ZBTB1: variants seen among roughly 807,000 people sequenced by gnomAD.
The protein encoded by ZBTB1 is zinc finger and BTB domain containing 1.
A neutral mutation model predicts 51.6 loss-of-function variants in ZBTB1; 13 were observed. That is an observed-to-expected ratio of 0.25 (90% CI 0.16 to 0.40). The LOEUF (loss-of-function observed/expected upper bound fraction) is 0.40. Ranked by LOEUF, ZBTB1 falls within the 10% of genes least tolerant of loss-of-function variation. The pLI is 1.00. For synonymous variants in ZBTB1, 240 were observed against 282.2 expected (o/e 0.85, Z 1.50); for missense variants, 567 against 856.5 (o/e 0.66, Z 4.22).
In ZBTB1 at chr14:64,523,976, CTA is replaced by C; in HGVS notation, c.*332_*333del. The C allele has an allele frequency of 1.0e-6, 1 of 1,002,686 alleles. No individual in the cohort carries two copies. The highest frequency in any genetic ancestry group is 1.2e-6 in the Non-Finnish European group (1 of 831,898). The allele number at this position is 1,002,686 out of a possible 1,614,324, so 62.1% of individuals were successfully genotyped here. A position where few individuals can be genotyped will look rare whatever the true frequency, so the allele number is the denominator to read the frequency against. ...CAATAAGGTGATGACTTCACTATTT[CTA>C]TGTGTTTTTTTTTTTTTAAGGTTAT... On this transcript the variant is annotated 3_prime_UTR_variant, in exon 2 of 2. Transcript: ENST00000683701. This position sits in a 1 kb window ranked among gnomAD's most constrained non-coding sequence, Gnocchi z 4.5.
chr14:64,529,706 G>A (rs369587168), downstream of ZBTB1, among the ~76,000 whole-genome samples: 2 of 152,188 alleles, frequency 1.3e-5, no homozygotes, highest in African/African-American at 4.8e-5. Context: ...GAGAGGTCAA[G>A]GCTGCAGTGA....
intron 1 of ZBTB1, among the ~76,000 whole-genome samples, chr14:64,519,073 G>T (rs1186480015): frequency 1.3e-5 from 2 of 149,106 alleles, no homozygotes; most frequent in East Asian, 3.9e-4. Context: ...TGTTTGGAGG[G>T]GTTACCTCTG....
chr14:64,519,567 C>G lies in ZBTB1; in HGVS notation c.-18-1920C>G, dbSNP rs555142779. Among the ~76,000 whole-genome samples, 3 of 149,500 alleles carry G rather than the reference C, an allele frequency of 2.0e-5. No individual in the cohort carries two copies. The South Asian group carries it at 6.4e-4, about 32-fold the overall frequency. The stretch of plus-strand genomic sequence containing the variant: ...TCGCTTGAACTCAGGAGTTCAAGAC[C>G]AGCCTGGACAACATAGCAAGACCTT... On this transcript the variant is annotated intron_variant, in intron 1 of 1. Transcript: ENST00000683701.
chr14:64,517,781 ATTTTTTT>A lies in ZBTB1; in HGVS notation c.-18-3690_-18-3684del, dbSNP rs10590459. On this transcript the variant is annotated intron_variant, in intron 1 of 1. Transcript: ENST00000683701. The stretch of plus-strand genomic sequence containing the variant: ...AATATATATATATATATATATATAT[ATTTTTTT>A]TTTTTTTTTTTTTTTGAGACAGTCT... 4.1e-4 allele frequency among the ~76,000 whole-genome samples: 17 copies of A among 41,566 alleles called. No homozygotes were observed. The East Asian group carries it at 7.1e-3, about 17-fold the overall frequency. 27.3% of individuals were successfully genotyped at this position (41,566 alleles called of 152,430 possible).
intron 2 of ZBTB1, among the ~76,000 whole-genome samples, chr14:64,531,669 G>A (rs1026062240): frequency 1.3e-5 from 2 of 151,976 alleles, no homozygotes; most frequent in Non-Finnish European, 2.9e-5. Flanking sequence ...TGAATGGTAC[G>A]AGTTACATTC....
At chr14:64,511,598 A>T (rs1020097774) in intron 1 of ZBTB1, among the ~76,000 whole-genome samples, 1 of 152,230 alleles carries the variant, frequency 6.6e-6, no homozygotes, top group Non-Finnish European at 1.5e-5. Context: ...CTCCCTCTTT[A>T]GGATGAATGG....
Position 64,504,919 on chromosome 14 carries a change from T to C in ZBTB1, c.-46T>C. The C allele has an allele frequency of 7.6e-6, 3 of 395,800 alleles. No individual in the cohort carries two copies. The highest frequency in any genetic ancestry group is 8.9e-6 in the Non-Finnish European group (2 of 223,878). The allele number at this position is 395,800 out of a possible 1,614,324, so 24.5% of individuals were successfully genotyped here. A position where few individuals can be genotyped will look rare whatever the true frequency, so the allele number is the denominator to read the frequency against. ...GATTTGCCTTAAACTCCCTAAAATC[T>C]CCGCAGCTCTGGTTCCTGTTGCGGC... is the stretch of plus-strand genomic sequence containing the variant. On this transcript the variant is annotated 5_prime_UTR_variant, in exon 1 of 2. Transcript: ENST00000683701.
chr14:64,523,180 A>G lies in ZBTB1; in HGVS notation c.1676A>G (p.Gln559Arg). 1 of 1,614,206 alleles carries G rather than the reference A, an allele frequency of 6.2e-7. No individual in the cohort carries two copies. Among genetic ancestry groups the G allele is most frequent in the Non-Finnish European group, 8.5e-7 (1 of 1,180,018 alleles). The change falls in exon 2 of 2, where the codon CAA (glutamine) becomes CGA (arginine). Residue 559 changes from glutamine to arginine, a missense_variant. Physicochemically the swap from Gln to Arg is conservative, Grantham distance 43. Around this residue, in one of 5 missense-constraint regions of ZBTB1, gnomAD observed 329 missense variants for 406.3 expected, o/e 0.81. Transcript: ENST00000683701. The surrounding 1 kb of genome is among the most constrained non-coding windows in gnomAD (Gnocchi z 4.5). ...VVEHMSSCLD[Q>R]DMFKSAIMEE... Reference sequence around the variant, plus strand: ...GAACATATGTCTAGCTGCTTAGATCAAGATATGTTTAAGAGTGCCATCATG... The same window carrying G: ...GAACATATGTCTAGCTGCTTAGATCGAGATATGTTTAAGAGTGCCATCATG...
At chr14:64,512,187 T>C (rs745655171) in intron 1 of ZBTB1, among the ~76,000 whole-genome samples, 44 of 152,348 alleles carry the variant, frequency 2.9e-4, no homozygotes, top group Non-Finnish European at 5.3e-4. Flanking sequence ...CTGAGAAGTA[T>C]GATTATCCCA....
At chr14:64,521,310 T>C (rs2140167599) in intron 1 of ZBTB1, among the ~76,000 whole-genome samples, 177 bp from the exon 2 acceptor site, 1 of 152,366 alleles carries the variant, frequency 6.6e-6, no homozygotes, top group African/African-American at 2.4e-5. Flanking sequence ...GCTGGATGTC[T>C]TCATCTTCAA....
intron 1 of ZBTB1, among the ~76,000 whole-genome samples, chr14:64,520,986 C>T (rs2079854716): frequency 6.6e-6 from 1 of 152,062 alleles, no homozygotes; most frequent in Non-Finnish European, 1.5e-5. Flanking sequence ...TTTAGCCTCC[C>T]AAGTAACTGG....
upstream of ZBTB1, chr14:64,504,200 G>T (rs1391789387): frequency 6.6e-6 from 1 of 152,450 alleles, no homozygotes. Context: ...ACTGGGCGAG[G>T]TGGGGCATGG....
At position 64,524,789 on chromosome 14, in the gene ZBTB1, G is replaced by T. The variant is rs1181193375; in HGVS notation, c.*1143G>T. The T allele has an allele frequency of 1.0e-6, 1 of 981,248 alleles. No homozygotes were observed. Among genetic ancestry groups the T allele is most frequent in the Non-Finnish European group, 1.2e-6 (1 of 826,346 alleles). 60.8% of individuals were successfully genotyped at this position (981,248 alleles called of 1,614,324 possible). ...TCTGTAAAAGACTATAAAACTTGAG[G>T]ATTATAAAATAATCACAGAGTATAT... On this transcript the variant is annotated 3_prime_UTR_variant, in exon 2 of 2. Transcript: ENST00000683701.
downstream of ZBTB1, among the ~76,000 whole-genome samples, chr14:64,527,779 GATA>G (rs1210834942): frequency 2.6e-5 from 4 of 152,068 alleles, no homozygotes; most frequent in African/African-American, 9.6e-5. Context: ...CTCAAAAAAA[GATA>G]ATAATACACA....
downstream of ZBTB1, among the ~76,000 whole-genome samples, chr14:64,525,787 T>TA (rs1332624258): frequency 4.6e-5 from 7 of 152,226 alleles, no homozygotes; most frequent in African/African-American, 1.7e-4. Flanking sequence ...TTTATAGTTT[T>TA]AGAAAGCCAT....
intron 1 of ZBTB1, among the ~76,000 whole-genome samples, chr14:64,509,144 C>T (rs1322592375): frequency 1.3e-5 from 2 of 152,174 alleles, no homozygotes; most frequent in African/African-American, 2.4e-5. Context: ...CCTAGGCAGG[C>T]GGATTGTTTG....
upstream of ZBTB1, chr14:64,503,776 C>T (rs1180830863): frequency 4.3e-6 from 1 of 230,808 alleles, no homozygotes; most frequent in Admixed American, 6.5e-5. Flanking sequence ...TCTCGCGCGG[C>T]TTCCCGCGCC....
chr14:64,522,738 A>C lies in ZBTB1; in HGVS notation c.1234A>C (p.Ser412Arg). ...GAATATGAGGCCCCCTAACAACAGC[A>C]GTCCAGTACAAGAGGATGCTGAAAA... ...LENMRPPNNS[S>R]PVQEDAENAS... The change falls in exon 2 of 2, where the codon AGT (serine) becomes CGT (arginine). Residue 412 changes from serine (S) to arginine (R), a missense_variant. By Grantham distance (110) the Ser-to-Arg change is moderately radical (BLOSUM62 -1). Coordinates refer to ENST00000683701, the MANE Select transcript of ZBTB1 (RefSeq NM_001123329.2). 1 of 1,614,226 alleles carries C rather than the reference A, an allele frequency of 6.2e-7. No individual in the cohort carries two copies. The highest frequency in any genetic ancestry group is 8.5e-7 in the Non-Finnish European group (1 of 1,180,020).
At chr14:64,521,114 C>T (rs995417755) in intron 1 of ZBTB1, among the ~76,000 whole-genome samples, 12 of 152,204 alleles carry the variant, frequency 7.9e-5, no homozygotes, top group Non-Finnish European at 1.5e-4. Context: ...CCTCCTGCCT[C>T]GGTCTCCCAA....
Sources: allele counts gnomAD v4.1 joint callset (sites outside exome capture counted in the v4.1 genomes callset), GRCh38; gene constraint gnomAD v4.1.1; regional missense constraint gnomAD v4.1.1; non-coding constraint Gnocchi (gnomAD v3.1); transcripts MANE v1.5; gene names NCBI Gene and HGNC (gene_info 2026-07-23, HGNC 2026-07-21).